NUP188: variants seen among roughly 807,000 people sequenced by gnomAD.
NUP188 encodes the protein nucleoporin NUP188.
Under a neutral mutation model 223.0 loss-of-function variants are expected in NUP188, and 97 were observed. That is an observed-to-expected ratio of 0.43 (90% CI 0.37 to 0.51). NUP188 has a LOEUF of 0.51. Among genes scored for constraint, NUP188 ranks in the 20% least tolerant of loss-of-function variants. The pLI is 0.00. For synonymous variants in NUP188, 869 were observed against 828.0 expected, an observed-to-expected ratio of 1.05 and a Z score of -0.85; for missense variants, 1,947 against 2,175.6, an observed-to-expected ratio of 0.89 and a Z score of 2.09.
chr9:128,955,126 C>T (rs957078081), intron 3 of NUP188, among the ~76,000 whole-genome samples: 1 of 152,180 alleles, frequency 6.6e-6, no homozygotes, highest in Non-Finnish European at 1.5e-5. Flanking sequence ...GCTGGGATTA[C>T]AGGCGTGAGC....
In NUP188 at chr9:129,003,301, T is replaced by C. The variant is rs753128124; in HGVS notation, c.4297-16T>C. Reference sequence around the variant, plus strand: ...CAGCCATCCCCATCTTTCCCTGATGTGTGCTTTCCTCCCAGTGCCTCAACG... The same window carrying C: ...CAGCCATCCCCATCTTTCCCTGATGCGTGCTTTCCTCCCAGTGCCTCAACG... On this transcript the variant is annotated splice_polypyrimidine_tract_variant and intron_variant, in intron 37 of 43. Transcript: ENST00000372577. 4 of 1,595,928 alleles carry C rather than the reference T, an allele frequency of 2.5e-6. No homozygotes were observed. The Admixed American group carries it at 7.3e-5, about 29-fold the overall frequency.
At chr9:128,969,279 G>A (rs761579292) in intron 9 of NUP188, 121 bp from the exon 10 acceptor site, 9 of 631,982 alleles carry the variant, frequency 1.4e-5, no homozygotes, top group African/African-American at 5.6e-5. Context: ...GATTATAGGC[G>A]TTAGCCACTA....
chr9:128,970,746 T>C lies in NUP188; in HGVS notation c.913-12T>C. 3 of 1,612,476 alleles carry C rather than the reference T, an allele frequency of 1.9e-6. No individual in the cohort carries two copies. Among genetic ancestry groups the C allele is most frequent in the Non-Finnish European group, 2.5e-6 (3 of 1,178,486 alleles). ...TGTTCGGAGATGTAGATGTGTTTTC[T>C]TCTCTCACTAGGATATGGACTGTTT... On this transcript the variant is annotated splice_polypyrimidine_tract_variant and intron_variant, in intron 10 of 43. Coordinates refer to ENST00000372577, the MANE Select transcript of NUP188 (RefSeq NM_015354.3).
At chr9:128,966,896 A>T (rs1588274457) in intron 8 of NUP188, among the ~76,000 whole-genome samples, 1 of 152,332 alleles carries the variant, frequency 6.6e-6, no homozygotes, top group East Asian at 1.9e-4. Flanking sequence ...GATGGCATTT[A>T]TGTGCAGTGG....
chr9:129,005,280 C>CTTCA, intron 39 of NUP188, 23 bp from the exon 40 acceptor site: 1 of 1,613,444 alleles, frequency 6.2e-7, no homozygotes, highest in Non-Finnish European at 8.5e-7. Flanking sequence ...CAAGCTCCAC[C>CTTCA]TTCATTTCTT....
At position 129,005,541 on chromosome 9, in the gene NUP188, T is replaced by C; in HGVS notation, c.4737+11T>C. 1 of 1,609,176 alleles carries C rather than the reference T, an allele frequency of 6.2e-7. No homozygotes were observed. Among genetic ancestry groups the C allele is most frequent in the East Asian group, 2.2e-5 (1 of 44,874 alleles). On this transcript the variant is annotated intron_variant, in intron 40 of 43. Coordinates refer to ENST00000372577, the MANE Select transcript of NUP188 (RefSeq NM_015354.3). ...ATTCTGCTGGATCAGGTACTGCCCA[T>C]CATCTGTTCAGCACCACCTCCCCTA...
At chr9:128,996,149 ATTTTTTTTTT>A (rs879374754) in intron 30 of NUP188, among the ~76,000 whole-genome samples, 2 of 142,928 alleles carry the variant, frequency 1.4e-5, no homozygotes, top group Non-Finnish European at 3.1e-5. Flanking sequence ...ATCCAGATTA[ATTTTTTTTTT>A]TTTTTCTTGA....
intron 19 of NUP188, among the ~76,000 whole-genome samples, chr9:128,984,280 C>G (rs7858951): frequency 0.23 from 34,218 of 151,490 alleles, 5,898 homozygotes; most frequent in African/African-American, 0.48. Flanking sequence ...GCATTCACCA[C>G]CACGCCCCGG....
intron 25 of NUP188, among the ~76,000 whole-genome samples, chr9:128,991,393 C>T (rs1282803777): frequency 6.6e-6 from 1 of 151,954 alleles, no homozygotes; most frequent in African/African-American, 2.4e-5. Flanking sequence ...CCAAAATTAG[C>T]TGGGTGGCAG....
intron 27 of NUP188, 115 bp from the exon 28 acceptor site, chr9:128,994,258 A>C (rs973490684): frequency 1.4e-6 from 1 of 731,264 alleles, no homozygotes; most frequent in Non-Finnish European, 2.5e-6. Context: ...TATCAGACAC[A>C]TATTAGGATT....
chr9:128,957,156 A>G lies in NUP188; in HGVS notation c.327+124A>G, dbSNP rs537571377. The G allele has an allele frequency of 4.8e-6, 3 of 629,596 alleles. No homozygotes were observed. The South Asian group carries it at 6.7e-5, about 14-fold the overall frequency. 39.0% of individuals were successfully genotyped at this position (629,596 alleles called of 1,614,324 possible). On this transcript the variant is annotated intron_variant, in intron 5 of 43. Transcript: ENST00000372577. ...TAGGTGATCAGGTACCGTCATCTTC[A>G]GGGAAGACCTACTAAAGGCTTTAAA...
chr9:129,000,564 C>T (rs753331420), intron 34 of NUP188, among the ~76,000 whole-genome samples: 134 of 151,968 alleles, frequency 8.8e-4, no homozygotes, highest in Non-Finnish European at 1.6e-3. Context: ...GTAATCCGCC[C>T]GCCTTGATCT....
intron 30 of NUP188, 80 bp from the exon 31 acceptor site, chr9:128,998,071 C>T: frequency 1.0e-6 from 1 of 953,434 alleles, no homozygotes; most frequent in Non-Finnish European, 1.7e-6. Context: ...GACTAATTGC[C>T]TAGCAGAGGA....
chr9:128,988,719 A>ATTTTTTTTTTTTTTTTT (rs528821221), intron 24 of NUP188, among the ~76,000 whole-genome samples: 2 of 72,858 alleles, frequency 2.7e-5, no homozygotes, highest in Admixed American at 2.4e-4. Context: ...TAATTTTTTA[A>ATTTTTTTTTTTTTTTTT]TTTTTTTTTT....
chr9:128,983,178 GTTT>G, intron 17 of NUP188, 112 bp from the exon 18 acceptor site: 1 of 1,401,758 alleles, frequency 7.1e-7, no homozygotes, highest in Non-Finnish European at 1.0e-6. Flanking sequence ...GGGTTTTCCT[GTTT>G]TTATATGTCT....
At position 129,002,999 on chromosome 9, in the gene NUP188, G is replaced by T. The variant is rs775222799; in HGVS notation, c.4296+24G>T. On this transcript the variant is annotated intron_variant, in intron 37 of 43. Transcript: ENST00000372577. ...AGGTGAGGGGCTGCCTGCATTGCAG[G>T]GGTGGGAGTTTCAGGGTAAAAAAGG... 71 of 1,611,558 alleles carry T rather than the reference G, an allele frequency of 4.4e-5. No homozygotes were observed. The South Asian group carries it at 7.2e-4, about 16-fold the overall frequency.
chr9:128,991,155 C>G (rs889939736), intron 25 of NUP188, among the ~76,000 whole-genome samples: 1 of 149,668 alleles, frequency 6.7e-6, no homozygotes, highest in Non-Finnish European at 1.5e-5. Flanking sequence ...TGCCATGCTC[C>G]AGATTTCTTT....
chr9:129,005,613 G>C (rs1203011179), intron 40 of NUP188, 32 bp from the exon 41 acceptor site: 4 of 1,611,334 alleles, frequency 2.5e-6, no homozygotes, highest in Non-Finnish European at 8.5e-7. Context: ...GGCCTTAATT[G>C]GGTCCTGGAT....
intron 19 of NUP188, among the ~76,000 whole-genome samples, chr9:128,983,879 G>GGCAC (rs1300377598): frequency 6.6e-6 from 1 of 151,944 alleles, no homozygotes; most frequent in Non-Finnish European, 1.5e-5. Context: ...AGAGTGCAGT[G>GGCAC]GCACGATCTA....
Sources: gnomAD v4.1 joint callset for allele counts (sites outside exome capture counted in the v4.1 genomes callset) on GRCh38, gnomAD v4.1.1 for gene constraint, MANE v1.5 for transcripts, NCBI Gene and HGNC (gene_info 2026-07-23, HGNC 2026-07-21) for gene names.